Variants in STUM observed in about 807,000 individuals in gnomAD.
STUM encodes stum, mechanosensory transduction mediator homolog.
In STUM, 8 loss-of-function variants were observed where a neutral mutation model predicts 15.3. The ratio of observed to expected loss-of-function variants is 0.52; its 90% CI spans 0.31 to 0.94. The LOEUF (loss-of-function observed/expected upper bound fraction) is 0.94. STUM is among the 40% of genes least tolerant of loss of function. The pLI, the probability that STUM is intolerant of heterozygous loss-of-function variation, is 0.05. For missense variants in STUM, 142 were observed against 204.9 expected, an observed-to-expected ratio of 0.69 and a Z score of 1.87; for synonymous variants, 78 against 88.7, an observed-to-expected ratio of 0.88 and a Z score of 0.68.
chr1:226,595,105 A>C (rs1026532396), intron 1 of STUM, among the ~76,000 whole-genome samples: 10 of 152,360 alleles, frequency 6.6e-5, no homozygotes, highest in Admixed American at 5.9e-4. Context: ...AAATCTCAGA[A>C]CCAGGGAAGC....
rs766853780 is a variant in STUM, at chr1:226,553,866, C to T, written c.202+4760C>T. On this transcript the variant is annotated intron_variant, in intron 1 of 3. Transcript: ENST00000366788. ...ACTTAAGAATAGCTATAAAGGAGTACGTAAAGAGTTTCTGGCTTGACAACA... is the reference window on the plus strand; with the variant it reads ...ACTTAAGAATAGCTATAAAGGAGTATGTAAAGAGTTTCTGGCTTGACAACA... Among the ~76,000 whole-genome samples, 104 of 152,086 alleles carry T rather than the reference C, an allele frequency of 6.8e-4. 1 individual carries two copies. Among genetic ancestry groups the T allele is most frequent in the Non-Finnish European group, 6.9e-4 (47 of 68,012 alleles).
At chr1:226,577,377 A>T (rs986587297) in intron 1 of STUM, among the ~76,000 whole-genome samples, 3 of 152,184 alleles carry the variant, frequency 2.0e-5, no homozygotes, top group Non-Finnish European at 4.4e-5. Context: ...TTGTACCCAG[A>T]AATCTAGTAC....
chr1:226,600,696 C>T lies in STUM; in HGVS notation c.391+22C>T, dbSNP rs1397179772. 1.2e-5 allele frequency: 20 copies of T among 1,609,726 alleles called. No homozygotes were observed. Among genetic ancestry groups the T allele is most frequent in the African/African-American group, 4.0e-5 (3 of 74,918 alleles). The stretch of plus-strand genomic sequence containing the variant: ...CAAGGTGAGTCTGCGGATGGACGTG[C>T]GGGCCTCGTGCTGCTGCTTGGGGCC... On this transcript the variant is annotated intron_variant, in intron 3 of 3. Transcript: ENST00000366788. This position sits in a 1 kb window ranked among gnomAD's most constrained non-coding sequence, Gnocchi z 5.2.
rs1262946722 is a variant in STUM at position 226,549,632 on chromosome 1, C to A, written c.202+526C>A. ...CCTTTGGTTCGCGGAGTGCGGACCG[C>A]GTGGGGACGAGAACTCTAGCCAGAG... On this transcript the variant is annotated intron_variant, in intron 1 of 3. Coordinates refer to ENST00000366788, the MANE Select transcript of STUM (RefSeq NM_001003665.4). The surrounding 1 kb of genome is among the most constrained non-coding windows in gnomAD (Gnocchi z 6.8). 6.6e-6 allele frequency among the ~76,000 whole-genome samples: 1 copy of A among 152,192 alleles called. No homozygotes were observed. The highest frequency in any genetic ancestry group is 6.5e-5 in the Admixed American group (1 of 15,292).
intron 1 of STUM, among the ~76,000 whole-genome samples, chr1:226,594,971 T>C (rs1195595322): frequency 1.3e-5 from 2 of 152,112 alleles, no homozygotes; most frequent in Non-Finnish European, 2.9e-5. Context: ...AGGGGACTTA[T>C]GAGGGGAAGT....
chr1:226,558,264 T>C (rs1386394395), intron 1 of STUM, among the ~76,000 whole-genome samples: 2 of 152,194 alleles, frequency 1.3e-5, no homozygotes, highest in Non-Finnish European at 2.9e-5. Flanking sequence ...TAGAATATGT[T>C]AGAGTATAAT....
intron 1 of STUM, among the ~76,000 whole-genome samples, chr1:226,581,581 A>T (rs1484856276): frequency 6.6e-6 from 1 of 151,590 alleles, no homozygotes; most frequent in Non-Finnish European, 1.5e-5. Context: ...TTATTTATTT[A>T]TTTTTCTTTT....
At chr1:226,553,674 G>C (rs1667404000) in intron 1 of STUM, among the ~76,000 whole-genome samples, 1 of 152,222 alleles carries the variant, frequency 6.6e-6, no homozygotes, top group African/African-American at 2.4e-5. Context: ...TTGAGCATGT[G>C]GTGGAATGTA....
chr1:226,576,550 AT>A (rs541167232), intron 1 of STUM, among the ~76,000 whole-genome samples: 66 of 151,716 alleles, frequency 4.4e-4, no homozygotes, highest in South Asian at 2.7e-3. Context: ...CCCAAAAGGC[AT>A]TTTTTTTTAT....
At chr1:226,570,325 G>A (rs1667687495) in intron 1 of STUM, among the ~76,000 whole-genome samples, 1 of 152,218 alleles carries the variant, frequency 6.6e-6, no homozygotes, top group South Asian at 2.1e-4. Context: ...TGTGTTTAAA[G>A]ATACATCTGA....
intron 1 of STUM, among the ~76,000 whole-genome samples, chr1:226,587,493 C>T (rs1265994966): frequency 6.6e-6 from 1 of 152,200 alleles, no homozygotes; most frequent in Admixed American, 6.5e-5. Flanking sequence ...CTCACCTGTA[C>T]ACCCCTTGTC....
At chr1:226,590,731 G>A (rs528089) in intron 1 of STUM, among the ~76,000 whole-genome samples, 105,987 of 152,074 alleles carry the variant, frequency 0.7, 37,618 homozygotes, top group African/African-American at 0.83. Flanking sequence ...AGTCCAGTCT[G>A]TGTACCACTG....
At chr1:226,560,516 C>A (rs919277985) in intron 1 of STUM, among the ~76,000 whole-genome samples, 1 of 152,112 alleles carries the variant, frequency 6.6e-6, no homozygotes, top group Admixed American at 6.5e-5. Context: ...AGCATGTCAC[C>A]GAGCAGAAAA....
At chr1:226,584,139 G>T (rs1301976040) in intron 1 of STUM, among the ~76,000 whole-genome samples, 2 of 152,204 alleles carry the variant, frequency 1.3e-5, no homozygotes, top group Admixed American at 6.5e-5. Context: ...AGGGTGACTC[G>T]ATGGTTGAGG....
rs1418326199 is a variant in STUM, at chr1:226,565,580, A to G, written c.202+16474A>G. On this transcript the variant is annotated intron_variant, in intron 1 of 3. Transcript: ENST00000366788. This position sits in a 1 kb window ranked among gnomAD's most constrained non-coding sequence, Gnocchi z 4.4. ...AGCCAGGGCTTCCTGCCGTCTGAAAAGTGTGGGTGTCCAGCTTGCAAATGG... is the reference window on the plus strand; with the variant it reads ...AGCCAGGGCTTCCTGCCGTCTGAAAGGTGTGGGTGTCCAGCTTGCAAATGG... Among the ~76,000 whole-genome samples, 1 of 152,188 alleles carries G rather than the reference A, an allele frequency of 6.6e-6. No homozygotes were observed. The highest frequency in any genetic ancestry group is 6.5e-5 in the Admixed American group (1 of 15,284).
At chr1:226,580,082 G>A (rs866266903) in intron 1 of STUM, among the ~76,000 whole-genome samples, 1 of 152,100 alleles carries the variant, frequency 6.6e-6, no homozygotes, top group Middle Eastern at 3.4e-3. Context: ...ACTAGGAGGC[G>A]GTGTTAGCAG....
intron 1 of STUM, among the ~76,000 whole-genome samples, chr1:226,582,335 G>C (rs1463482798): frequency 1.3e-5 from 2 of 152,194 alleles, no homozygotes; most frequent in Non-Finnish European, 2.9e-5. Flanking sequence ...GCTCATGCCT[G>C]TAATCCCAGA....
chr1:226,589,946 T>C (rs1302709741), intron 1 of STUM, among the ~76,000 whole-genome samples: 1 of 41,208 alleles, frequency 2.4e-5, no homozygotes, highest in Non-Finnish European at 5.1e-5. Context: ...GGAATGTTAA[T>C]TTTTTTTTTA....
chr1:226,602,389 G>A lies in STUM; in HGVS notation c.*349G>A. On this transcript the variant is annotated 3_prime_UTR_variant, in exon 4 of 4. Transcript: ENST00000366788. The stretch of plus-strand genomic sequence containing the variant: ...CGCAAAGGCACGCCACGTCTGCTGG[G>A]CCGGGCCACACCGGGCCCTGTCTGG... The A allele has an allele frequency of 3.3e-6, 1 of 307,388 alleles. No individual in the cohort carries two copies. The highest frequency in any genetic ancestry group is 4.4e-5 in the South Asian group (1 of 22,546). 19.0% of individuals were successfully genotyped at this position (307,388 alleles called of 1,614,324 possible). A position where few individuals can be genotyped will look rare whatever the true frequency, so the allele number is the denominator to read the frequency against.
Sources: gnomAD v4.1 joint callset for allele counts (sites outside exome capture counted in the v4.1 genomes callset) on GRCh38, gnomAD v4.1.1 for gene constraint, Gnocchi (gnomAD v3.1) non-coding constraint, MANE v1.5 for transcripts, NCBI Gene and HGNC (gene_info 2026-07-23, HGNC 2026-07-21) for gene names.